The following FOXP1 variants were observed in gnomAD, a reference collection of about 807,000 sequenced individuals.
The protein encoded by FOXP1 is forkhead box P1.
Under a neutral mutation model 98.2 loss-of-function variants are expected in FOXP1, and 15 were observed. The ratio of observed to expected loss-of-function variants is 0.15; its 90% CI spans 0.10 to 0.24. The LOEUF (loss-of-function observed/expected upper bound fraction) is 0.24, where lower values mean the gene tolerates loss of function less well. Ranked by LOEUF, FOXP1 falls within the 10% of genes least tolerant of loss-of-function variation. The pLI, the probability that FOXP1 is intolerant of heterozygous loss-of-function variation, is 1.00. For missense variants in FOXP1, 633 were observed against 848.5 expected (o/e 0.75, Z 3.15); for synonymous variants, 371 against 314.5 (o/e 1.18, Z -1.90).
chr3:71,099,747 A>G (rs1192578087), intron 7 of FOXP1, among the ~76,000 whole-genome samples: 1 of 152,156 alleles, frequency 6.6e-6, no homozygotes, highest in Non-Finnish European at 1.5e-5. Context: ...ACCAGAGGCC[A>G]TGGTATTAAT....
At chr3:71,184,013 G>A (rs144614247) in intron 6 of FOXP1, among the ~76,000 whole-genome samples, 5 of 152,214 alleles carry the variant, frequency 3.3e-5, no homozygotes, top group African/African-American at 1.2e-4. Flanking sequence ...TTAGCCCGGC[G>A]AGGTGGTGCA....
chr3:71,064,913 CA>C (rs1431528566), intron 7 of FOXP1: 2 of 587,996 alleles, frequency 3.4e-6, no homozygotes, highest in Admixed American at 6.6e-5. Context: ...CCTCGGCGTG[CA>C]GGCGGACTGC....
intron 6 of FOXP1, among the ~76,000 whole-genome samples, chr3:71,191,733 C>T (rs2062990083): frequency 1.3e-5 from 2 of 152,032 alleles, no homozygotes; most frequent in Admixed American, 1.3e-4. Context: ...AGAAACAGCC[C>T]CAAAGGGAAT....
chr3:71,107,070 T>A (rs2057500368), intron 7 of FOXP1, among the ~76,000 whole-genome samples: 1 of 152,112 alleles, frequency 6.6e-6, no homozygotes, highest in Non-Finnish European at 1.5e-5. Context: ...TACCTGGGGA[T>A]ACCTTCAAGA....
intron 2 of FOXP1, among the ~76,000 whole-genome samples, chr3:71,552,382 C>A (rs541368221): frequency 1.1e-3 from 160 of 151,902 alleles, no homozygotes; most frequent in African/African-American, 3.8e-3. Flanking sequence ...TCTTTATTTT[C>A]TAGGTTCAGA....
At chr3:71,370,317 T>C (rs532311938) in intron 3 of FOXP1, among the ~76,000 whole-genome samples, 2 of 152,168 alleles carry the variant, frequency 1.3e-5, no homozygotes, top group Non-Finnish European at 2.9e-5. Context: ...AACACTTGTT[T>C]TTCTATCAGT....
intron 2 of FOXP1, among the ~76,000 whole-genome samples, chr3:71,578,426 C>A (rs2047895863): frequency 6.6e-6 from 1 of 152,160 alleles, no homozygotes; most frequent in Admixed American, 6.5e-5. Context: ...TCTTGCTATA[C>A]CCTGTAAATA....
At chr3:71,531,662 T>A (rs144100288) in intron 2 of FOXP1, among the ~76,000 whole-genome samples, 7 of 152,306 alleles carry the variant, frequency 4.6e-5, no homozygotes, top group African/African-American at 1.7e-4. Context: ...TCCAGTGTGA[T>A]CATTTAGGAG....
chr3:71,424,733 T>C (rs1374326575), intron 3 of FOXP1, among the ~76,000 whole-genome samples: 1 of 152,200 alleles, frequency 6.6e-6, no homozygotes, highest in African/African-American at 2.4e-5. Flanking sequence ...GCTGAAGAAG[T>C]GGTCCTCAGA....
intron 6 of FOXP1, among the ~76,000 whole-genome samples, chr3:71,167,683 A>G (rs1349046734): frequency 1.3e-5 from 2 of 152,206 alleles, no homozygotes; most frequent in Non-Finnish European, 2.9e-5. Context: ...TCACTTCATT[A>G]CTGCCCTGCA....
intron 3 of FOXP1, among the ~76,000 whole-genome samples, chr3:71,389,646 C>T (rs112811533): frequency 6.6e-6 from 1 of 152,058 alleles, no homozygotes; most frequent in African/African-American, 2.4e-5. Flanking sequence ...AATTAAAAAC[C>T]ATTAAAGATA....
chr3:71,039,750 T>C (rs564445077), intron 11 of FOXP1, among the ~76,000 whole-genome samples: 2 of 151,276 alleles, frequency 1.3e-5, no homozygotes, highest in African/African-American at 4.8e-5. Flanking sequence ...TAAGGTTTTC[T>C]TTCTTGAAAA....
chr3:70,981,697 C>T (rs1032556161), intron 14 of FOXP1, among the ~76,000 whole-genome samples: 3 of 152,292 alleles, frequency 2.0e-5, no homozygotes, highest in African/African-American at 4.8e-5. Flanking sequence ...GTGGCCATTC[C>T]AAAACCAAGT....
intron 7 of FOXP1, among the ~76,000 whole-genome samples, chr3:71,076,633 C>T (rs1279400358): frequency 6.6e-6 from 1 of 152,178 alleles, no homozygotes; most frequent in Non-Finnish European, 1.5e-5. Context: ...GCTCCAGCTC[C>T]CTTCCTTTGA....
intron 4 of FOXP1, chr3:71,304,556 T>G (rs1430911911): frequency 6.6e-6 from 1 of 152,206 alleles, no homozygotes; most frequent in Admixed American, 6.5e-5. Context: ...AACTATTATC[T>G]CTATCAATCA....
chr3:71,027,109 T>G (rs938657152), intron 11 of FOXP1, among the ~76,000 whole-genome samples: 1 of 152,118 alleles, frequency 6.6e-6, no homozygotes, highest in African/African-American at 2.4e-5. Context: ...AATACAGACA[T>G]AGGGATCACT....
intron 2 of FOXP1, among the ~76,000 whole-genome samples, chr3:71,537,330 T>C (rs2044384035): frequency 6.6e-6 from 1 of 152,154 alleles, no homozygotes; most frequent in Non-Finnish European, 1.5e-5. Context: ...GAGGAAAGAC[T>C]GAAAGCGAGG....
intron 5 of FOXP1, among the ~76,000 whole-genome samples, chr3:71,294,070 A>C (rs928197657): frequency 6.6e-6 from 1 of 152,242 alleles, no homozygotes; most frequent in Non-Finnish European, 1.5e-5. Flanking sequence ...AAGTAAATCT[A>C]TACAAACAGA....
At chr3:71,167,703 C>T (rs894967287) in intron 6 of FOXP1, among the ~76,000 whole-genome samples, 3 of 152,202 alleles carry the variant, frequency 2.0e-5, no homozygotes, top group Admixed American at 2.0e-4. Flanking sequence ...AGTTATTTTA[C>T]ATTATTTAAT....
Sources: allele counts gnomAD v4.1 joint callset (sites outside exome capture counted in the v4.1 genomes callset), GRCh38; gene constraint gnomAD v4.1.1; transcripts MANE v1.5; gene names NCBI Gene and HGNC (gene_info 2026-07-23, HGNC 2026-07-21).